DENND2B: variants seen among roughly 807,000 people sequenced by gnomAD.
DENND2B encodes the protein DENN domain containing 2B, also known as DENN domain-containing protein 2B.
DENND2B carries 32 observed loss-of-function variants against 116.0 expected under a neutral mutation model. The ratio of observed to expected loss-of-function variants is 0.28; its 90% confidence interval spans 0.21 to 0.37. The LOEUF (loss-of-function observed/expected upper bound fraction) is 0.37. Ranked by LOEUF, DENND2B falls within the 10% of genes least tolerant of loss-of-function variation. The probability of loss-of-function intolerance (pLI) is 1.00; values close to 1 mark genes in which losing one functional copy is unlikely to be tolerated. For missense variants in DENND2B, 1,276 were observed against 1,477.7 expected, an observed-to-expected ratio of 0.86 and a Z score of 2.24; for synonymous variants, 588 against 583.9, an observed-to-expected ratio of 1.01 and a Z score of -0.10.
chr11:8,791,365 G>C (rs12421360), intron 1 of DENND2B, among the ~76,000 whole-genome samples: 2,281 of 152,176 alleles, frequency 0.015, 21 homozygotes, highest in Middle Eastern at 0.037. Context: ...ATCGTATATA[G>C]GATAAGAGAA....
At chr11:8,787,420 C>T (rs2059012806) in intron 1 of DENND2B, 1 of 152,200 alleles carries the variant, frequency 6.6e-6, no homozygotes, top group African/African-American at 2.4e-5. Flanking sequence ...AAGCGATCCT[C>T]CCGCCTCAGC....
intron 4 of DENND2B, among the ~76,000 whole-genome samples, chr11:8,824,351 C>T (rs1283907222): frequency 1.3e-5 from 2 of 152,114 alleles, no homozygotes; most frequent in Non-Finnish European, 2.9e-5. Context: ...TCCCTCCTCC[C>T]ACCCTTCACC....
chr11:8,700,496 G>A (rs1361334682), intron 14 of DENND2B, among the ~76,000 whole-genome samples: 1 of 152,138 alleles, frequency 6.6e-6, no homozygotes, highest in East Asian at 1.9e-4. Flanking sequence ...CCCTCTGAAG[G>A]CAATCGGGAG....
upstream of DENND2B, among the ~76,000 whole-genome samples, chr11:8,813,064 G>A (rs780278680): frequency 3.9e-5 from 6 of 152,160 alleles, no homozygotes; most frequent in Non-Finnish European, 7.3e-5. Context: ...GATTATAGGT[G>A]TGTACTACCA....
Position 8,717,864 on chromosome 11 carries a change from C to T in DENND2B, c.1506G>A (p.Glu502=). ...VGDLPKENPY[E]DVDLKSRRAG... is the part of the protein sequence containing the mutation. ...CTCTTCGGCTCTTTAAGTCCACATCCTCATATGGATTCTCCTTGGGCAGAT... is the reference window on the plus strand; with the variant it reads ...CTCTTCGGCTCTTTAAGTCCACATCTTCATATGGATTCTCCTTGGGCAGAT... Residue 502 remains glutamate, a synonymous_variant, in exon 5 of 20, where the codon GAG becomes GAA. Coordinates refer to ENST00000313726, the MANE Select transcript of DENND2B (RefSeq NM_213618.2). 6.2e-7 allele frequency: 1 copy of T among 1,612,600 alleles called. No homozygotes were observed. The highest frequency in any genetic ancestry group is 8.5e-7 in the Non-Finnish European group (1 of 1,179,328).
intron 4 of DENND2B, chr11:8,719,023 C>T (rs1307209471): frequency 2.0e-6 from 2 of 985,808 alleles, no homozygotes; most frequent in Non-Finnish European, 2.4e-6. Context: ...ACTCCAGCAC[C>T]TCTGCTCAGC....
intron 1 of DENND2B, chr11:8,774,069 C>T (rs1476839829): frequency 2.0e-6 from 2 of 978,776 alleles, no homozygotes; most frequent in Non-Finnish European, 2.4e-6. Context: ...ACAGTTCCAA[C>T]CACGAAGTGC....
In DENND2B at chr11:8,712,637, G is replaced by C. The variant is rs75618567; in HGVS notation, c.2086C>G (p.Leu696Val). ...GACACCACCACAAAGTACTCAAAAA[G>C]CTCCCGCTCCTGCCACTCCAGCAGC... ...LELLEWQERE[L>V]FEYFVVVSLK... The change falls in exon 9 of 20, where the codon CTT (leucine) becomes GTT (valine). Residue 696 changes from leucine to valine, a missense_variant. By Grantham distance (32) the Leu-to-Val change is conservative. Around this residue, in one of 2 missense-constraint regions of DENND2B, gnomAD observed 420 missense variants for 631.1 expected, o/e 0.67. Coordinates refer to ENST00000313726, the MANE Select transcript of DENND2B (RefSeq NM_213618.2). This position sits in a 1 kb window ranked among gnomAD's most constrained non-coding sequence, Gnocchi z 4.4. 1 of 1,576,776 alleles carries C rather than the reference G, an allele frequency of 6.3e-7. No individual in the cohort carries two copies. Among genetic ancestry groups the C allele is most frequent in the Admixed American group, 1.9e-5 (1 of 53,666 alleles).
intron 2 of DENND2B, among the ~76,000 whole-genome samples, chr11:8,743,597 A>AACAG (rs1277149379): frequency 6.6e-6 from 1 of 152,172 alleles, no homozygotes; most frequent in East Asian, 1.9e-4. Flanking sequence ...TGCCTCATAG[A>AACAG]ACAGACAGAC....
intron 1 of DENND2B, among the ~76,000 whole-genome samples, chr11:8,754,066 G>C (rs1208877594): frequency 2.8e-4 from 21 of 74,922 alleles, no homozygotes; most frequent in African/African-American, 1.1e-3. Flanking sequence ...CACACACAAA[G>C]GACATGAATT....
intron 2 of DENND2B, among the ~76,000 whole-genome samples, chr11:8,736,967 C>A (rs1467903892): frequency 6.6e-6 from 1 of 152,188 alleles, no homozygotes; most frequent in African/African-American, 2.4e-5. Context: ...ATTTAGAATG[C>A]CACTGCAGCA....
intron 1 of DENND2B, chr11:8,794,927 A>G (rs535149866): frequency 6.6e-6 from 1 of 152,252 alleles, no homozygotes; most frequent in Non-Finnish European, 1.5e-5. Context: ...CTCCTGGCCT[A>G]AAGAGATAAT....
Position 8,707,614 on chromosome 11 carries a change from G to A in DENND2B, c.2430+163C>T, listed in dbSNP as rs1409858414. ...AGCCAGCTGGGTAGAGAACCAGGCC[G>A]GGGAATGGGAGGGTGTCAGAGAGCT... On this transcript the variant is annotated intron_variant, in intron 12 of 19. Transcript: ENST00000313726. The surrounding 1 kb of genome is among the most constrained non-coding windows in gnomAD (Gnocchi z 4.8). Among the ~76,000 whole-genome samples the A allele has an allele frequency of 7.2e-5, 11 of 152,206 alleles. No homozygotes were observed. Among genetic ancestry groups the A allele is most frequent in the Admixed American group, 5.9e-4 (9 of 15,286 alleles).
At chr11:8,757,773 G>A (rs967216718) in intron 1 of DENND2B, among the ~76,000 whole-genome samples, 4 of 152,276 alleles carry the variant, frequency 2.6e-5, no homozygotes, top group Admixed American at 6.5e-5. Flanking sequence ...CAAGTCACAC[G>A]GCTAGAAAGG....
chr11:8,872,462 G>C (rs2063796108), upstream of DENND2B, among the ~76,000 whole-genome samples: 1 of 149,384 alleles, frequency 6.7e-6, no homozygotes, highest in Non-Finnish European at 1.5e-5. Flanking sequence ...ATTCCAGCCT[G>C]GGCAACAGAG....
chr11:8,796,745 T>G (rs1016873231), intron 1 of DENND2B, among the ~76,000 whole-genome samples: 7 of 152,176 alleles, frequency 4.6e-5, no homozygotes, highest in African/African-American at 1.7e-4. Flanking sequence ...AATTCCATCT[T>G]CTTATACAAT....
In DENND2B at chr11:8,730,927, T is replaced by A; in HGVS notation, c.363A>T (p.Ala121=). 1 of 1,614,230 alleles carries A rather than the reference T, an allele frequency of 6.2e-7. No individual in the cohort carries two copies. The highest frequency in any genetic ancestry group is 8.5e-7 in the Non-Finnish European group (1 of 1,180,052). The change falls in exon 3 of 20, where the codon GCA becomes GCT. Residue 121 remains alanine, a synonymous_variant. Transcript: ENST00000313726. The surrounding 1 kb of genome is among the most constrained non-coding windows in gnomAD (Gnocchi z 4.1). ...RDAQKESVQG[A]AQDVAGVAAC... is the part of the protein sequence containing the mutation. ...CAGCGACCCCTGCTACATCCTGGGC[T>A]GCGCCTTGGACACTTTCCTTTTGGG... is the stretch of plus-strand genomic sequence containing the variant.
chr11:8,711,307 CT>C, intron 9 of DENND2B, 76 bp from the exon 10 acceptor site: 1 of 1,298,968 alleles, frequency 7.7e-7, no homozygotes, highest in Admixed American at 1.7e-5. Flanking sequence ...CCCTCCTCCC[CT>C]GAGGGCCCTA....
At chr11:8,811,571 C>T (rs2061374643), upstream of DENND2B, 2 of 369,578 alleles carry the variant, frequency 5.4e-6, no homozygotes, top group Non-Finnish European at 9.6e-6. Flanking sequence ...AAGTTTAGTC[C>T]CATCCCCATC....
Sources: gnomAD v4.1 joint callset for allele counts (sites outside exome capture counted in the v4.1 genomes callset) on GRCh38, gnomAD v4.1.1 for gene constraint, gnomAD v4.1.1 regional missense constraint, Gnocchi (gnomAD v3.1) non-coding constraint, MANE v1.5 for transcripts, NCBI Gene and HGNC (gene_info 2026-07-23, HGNC 2026-07-21) for gene names.